HMGB1: variants seen among roughly 807,000 people sequenced by gnomAD.
HMGB1 encodes high mobility group protein B1.
For missense variants in HMGB1, 79 were observed against 253.5 expected (o/e 0.31, Z 4.67); for synonymous variants, 81 against 84.0 (o/e 0.96, Z 0.19).
rs376387192 is a variant in HMGB1 at position 30,531,509 on chromosome 13, C to CGTGTGTGTGTGTGT, written c.-14-67829_-14-67816dup. Among the ~76,000 whole-genome samples the CGTGTGTGTGTGTGT allele has an allele frequency of 1.1e-3, 146 of 135,660 alleles. 1 individual carries two copies. Among genetic ancestry groups the CGTGTGTGTGTGTGT allele is most frequent in the African/African-American group, 3.4e-3 (121 of 35,998 alleles). The allele number at this position is 135,660 out of a possible 152,430, so 89.0% of individuals were successfully genotyped here. Reference sequence around the variant, plus strand: ...GAACTGCTATGCTAGGTAACATATACGTGTGTGTGTGTGTGTGTGTGTGTG... The same window carrying CGTGTGTGTGTGTGT: ...GAACTGCTATGCTAGGTAACATATACGTGTGTGTGTGTGTGTGTGTGTGTGTGTGTGTGTGTGTG... On this transcript the variant is annotated intron_variant, in intron 1 of 4. Transcript: ENST00000405805.
intron 1 of HMGB1, among the ~76,000 whole-genome samples, chr13:30,513,857 GACAA>G (rs1225645841): frequency 6.6e-6 from 1 of 152,178 alleles, no homozygotes; most frequent in Non-Finnish European, 1.5e-5. Context: ...TTTTGGAGGT[GACAA>G]ACATTCAAAC....
chr13:30,546,240 C>A (rs368719421), intron 1 of HMGB1, among the ~76,000 whole-genome samples: 2 of 152,170 alleles, frequency 1.3e-5, no homozygotes, highest in African/African-American at 4.8e-5. Context: ...CTCAGCCTCC[C>A]GAGTAGCTGG....
chr13:30,615,709 T>A (rs1231554741), intron 1 of HMGB1, among the ~76,000 whole-genome samples: 1 of 152,048 alleles, frequency 6.6e-6, no homozygotes, highest in Non-Finnish European at 1.5e-5. Flanking sequence ...AGCTTTTATA[T>A]CCCAGGTTTG....
At chr13:30,576,668 C>T (rs892160539) in intron 1 of HMGB1, among the ~76,000 whole-genome samples, 1 of 151,840 alleles carries the variant, frequency 6.6e-6, no homozygotes, top group Non-Finnish European at 1.5e-5. Context: ...CCACACACGT[C>T]GCTGCCTCTC....
intron 1 of HMGB1, among the ~76,000 whole-genome samples, chr13:30,492,461 T>G (rs545913727): frequency 6.6e-6 from 1 of 152,084 alleles, no homozygotes; most frequent in East Asian, 1.9e-4. Context: ...GCAATGCAAT[T>G]TTTTCAGTAG....
chr13:30,545,850 T>C (rs984687619), intron 1 of HMGB1, among the ~76,000 whole-genome samples: 1 of 152,142 alleles, frequency 6.6e-6, no homozygotes, highest in African/African-American at 2.4e-5. Context: ...TGCAAGTGTG[T>C]GCCACCATGC....
At chr13:30,579,471 C>T (rs1033911042) in intron 1 of HMGB1, among the ~76,000 whole-genome samples, 4 of 152,240 alleles carry the variant, frequency 2.6e-5, no homozygotes, top group Middle Eastern at 3.4e-3. Flanking sequence ...TTATTATTTT[C>T]GTAATAACCT....
At chr13:30,585,324 C>CA (rs1322598741) in intron 1 of HMGB1, among the ~76,000 whole-genome samples, 2 of 151,692 alleles carry the variant, frequency 1.3e-5, no homozygotes, top group African/African-American at 4.9e-5. Context: ...CAAAAAAACA[C>CA]AAAAAACAGA....
chr13:30,582,132 T>C (rs1267482996), intron 1 of HMGB1, among the ~76,000 whole-genome samples: 1 of 152,128 alleles, frequency 6.6e-6, no homozygotes, highest in East Asian at 1.9e-4. Flanking sequence ...GAAGATTTAA[T>C]GTGGGATGTT....
rs899460335 is a variant in HMGB1 at position 30,519,158 on chromosome 13, C to T, written c.-14-55464G>A. 8.6e-5 allele frequency among the ~76,000 whole-genome samples: 13 copies of T among 151,800 alleles called. No homozygotes were observed. In the East Asian group the frequency reaches 9.7e-4, roughly 11 times the overall value. ...CTGTAATCCCTGCACTTTGGGAGGC[C>T]GAGGCGGGTGGATCATTTGAGGCTA... On this transcript the variant is annotated intron_variant, in intron 1 of 4. Coordinates refer to the HMGB1 transcript ENST00000405805.
Position 30,464,313 on chromosome 13 carries a change from A to G in HMGB1, c.-14-619T>C, listed in dbSNP as rs569935716. 1.5e-3 allele frequency: 1,480 copies of G among 985,248 alleles called. 1 individual carries two copies. The highest frequency in any genetic ancestry group is 1.7e-3 in the Non-Finnish European group (1,420 of 829,898). The allele number at this position is 985,248 out of a possible 1,614,324, so 61.0% of individuals were successfully genotyped here. A position where few individuals can be genotyped will look rare whatever the true frequency, so the allele number is the denominator to read the frequency against. ...TCCTATCGGTTTGGCCCTGAGATGT[A>G]TTTCTGTTCTGACTAAACACGTCCG... On this transcript the variant is annotated intron_variant, in intron 1 of 4. Coordinates refer to ENST00000341423, the MANE Select transcript of HMGB1 (RefSeq NM_002128.7).
At chr13:30,614,696 T>G (rs1950543778) in intron 1 of HMGB1, among the ~76,000 whole-genome samples, 1 of 151,882 alleles carries the variant, frequency 6.6e-6, no homozygotes, top group African/African-American at 2.4e-5. Context: ...AGTTGTCATG[T>G]TTTTGTTTTT....
intron 1 of HMGB1, among the ~76,000 whole-genome samples, chr13:30,614,114 T>A (rs1950538486): frequency 6.6e-6 from 1 of 152,222 alleles, no homozygotes; most frequent in African/African-American, 2.4e-5. Flanking sequence ...TAGTAATTTA[T>A]TTGTTCTTAC....
chr13:30,569,199 G>A (rs1207734897), intron 1 of HMGB1, among the ~76,000 whole-genome samples: 1 of 152,146 alleles, frequency 6.6e-6, no homozygotes, highest in Non-Finnish European at 1.5e-5. Context: ...GTAGCAAAAA[G>A]AAGTTGTTAA....
intron 1 of HMGB1, among the ~76,000 whole-genome samples, chr13:30,474,981 T>TTTTTTG (rs1887046448): frequency 1.4e-5 from 1 of 69,768 alleles, no homozygotes; most frequent in South Asian, 5.4e-4. Context: ...TTTTTTTTTT[T>TTTTTTG]GAGACAGGGT....
intron 1 of HMGB1, among the ~76,000 whole-genome samples, chr13:30,569,195 A>C (rs2137532379): frequency 6.6e-6 from 1 of 152,288 alleles, no homozygotes; most frequent in East Asian, 1.9e-4. Flanking sequence ...TTACGTAGCA[A>C]AAAGAAGTTG....
At chr13:30,554,042 G>A (rs1285658148) in intron 1 of HMGB1, 31 of 1,423,704 alleles carry the variant, frequency 2.2e-5, no homozygotes, top group Admixed American at 5.0e-5. Flanking sequence ...TTAAATGTGC[G>A]CAGTACTGGC....
At chr13:30,561,473 G>A (rs564602100) in intron 1 of HMGB1, among the ~76,000 whole-genome samples, 19 of 152,314 alleles carry the variant, frequency 1.2e-4, no homozygotes, top group African/African-American at 3.8e-4. Context: ...TGGTGGACTC[G>A]GAGAAGAGGC....
intron 1 of HMGB1, among the ~76,000 whole-genome samples, chr13:30,502,095 C>T (rs1254722520): frequency 2.0e-5 from 3 of 152,146 alleles, no homozygotes; most frequent in Non-Finnish European, 2.9e-5. Context: ...TGCTAAAAAG[C>T]ATTGGTTCCA....
Sources: allele counts gnomAD v4.1 joint callset (sites outside exome capture counted in the v4.1 genomes callset), GRCh38; gene constraint gnomAD v4.1.1; transcripts MANE v1.5; gene names NCBI Gene and HGNC (gene_info 2026-07-23, HGNC 2026-07-21).